Variants in ST6GALNAC3 observed in about 807,000 individuals in gnomAD.
ST6GALNAC3 encodes ST6 N-acetylgalactosaminide alpha-2,6-sialyltransferase 3, also known as alpha-N-acetylgalactosaminide alpha-2,6-sialyltransferase 3.
ST6GALNAC3 carries 25 observed loss-of-function variants against 32.7 expected under a neutral mutation model. The observed-to-expected ratio is 0.76, with a 90% CI of 0.56 to 1.07. The LOEUF is 1.07. Among genes scored for constraint, ST6GALNAC3 ranks in the 50% least tolerant of loss-of-function variants. ST6GALNAC3 has a pLI of 0.00. For synonymous variants in ST6GALNAC3, 129 were observed against 133.1 expected, an observed-to-expected ratio of 0.97 and a Z score of 0.21; for missense variants, 355 against 382.4, an observed-to-expected ratio of 0.93 and a Z score of 0.60.
chr1:76,377,812 G>C, intron 2 of ST6GALNAC3, among the ~76,000 whole-genome samples: 1 of 152,282 alleles, frequency 6.6e-6, no homozygotes, highest in African/African-American at 2.4e-5. Context: ...TGTATGTAAA[G>C]TTCTTAGTGT....
rs557184891 is a variant in ST6GALNAC3 at position 76,093,720 on chromosome 1, C to A, written c.18+18836C>A. ...TCTAGACTCATCAGCTGAGAGACAA[C>A]GCCAGAGGAATCTGCAAACTAACCT... On this transcript the variant is annotated intron_variant, in intron 1 of 4. Coordinates refer to ENST00000328299, the MANE Select transcript of ST6GALNAC3 (RefSeq NM_152996.4). Among the ~76,000 whole-genome samples the A allele has an allele frequency of 1.2e-4, 18 of 152,332 alleles. No homozygotes were observed. The South Asian group carries it at 3.7e-3, about 32-fold the overall frequency.
Position 76,408,865 on chromosome 1 carries a change from C to T in ST6GALNAC3, c.214-3143C>T, listed in dbSNP as rs761920142. Among the ~76,000 whole-genome samples the T allele has an allele frequency of 3.3e-5, 5 of 152,028 alleles. No homozygotes were observed. In the South Asian group the frequency reaches 1.0e-3, roughly 32 times the overall value. ...GAATAGCAAATGGAATGTAACCCCC[C>T]GCACCATATGCATCTTGGTGATAAG... On this transcript the variant is annotated intron_variant, in intron 2 of 4. Transcript: ENST00000328299.
At chr1:76,163,182 C>T (rs547612071) in intron 1 of ST6GALNAC3, among the ~76,000 whole-genome samples, 54 of 152,230 alleles carry the variant, frequency 3.5e-4, no homozygotes, top group Admixed American at 2.6e-3. Flanking sequence ...GTATTTTAGT[C>T]AGTGCTATAT....
At chr1:76,485,812 T>C (rs1474957539) in intron 3 of ST6GALNAC3, among the ~76,000 whole-genome samples, 1 of 152,228 alleles carries the variant, frequency 6.6e-6, no homozygotes, top group Non-Finnish European at 1.5e-5. Context: ...TTAATTGTGA[T>C]GTTAGGGTGT....
At chr1:76,248,082 C>T (rs1657409902) in intron 1 of ST6GALNAC3, among the ~76,000 whole-genome samples, 1 of 152,110 alleles carries the variant, frequency 6.6e-6, no homozygotes, top group African/African-American at 2.4e-5. Flanking sequence ...TGGCTCCTTG[C>T]ATTTCCTGGG....
At chr1:76,437,055 T>A (rs1315005396) in intron 3 of ST6GALNAC3, among the ~76,000 whole-genome samples, 6 of 151,978 alleles carry the variant, frequency 3.9e-5, no homozygotes, top group Admixed American at 3.3e-4. Flanking sequence ...TGTTTAAGGG[T>A]TTTTAAAACT....
At chr1:76,406,450 AAGG>A (rs1557860431) in intron 2 of ST6GALNAC3, among the ~76,000 whole-genome samples, 1 of 152,084 alleles carries the variant, frequency 6.6e-6, no homozygotes, top group Non-Finnish European at 1.5e-5. Context: ...AGCAGATGTG[AAGG>A]ACCATTTAAA....
intron 1 of ST6GALNAC3, among the ~76,000 whole-genome samples, chr1:76,096,900 G>A (rs1283167666): frequency 6.7e-6 from 1 of 148,540 alleles, no homozygotes; most frequent in Non-Finnish European, 1.5e-5. Flanking sequence ...TGAATTTCAT[G>A]TAGAGGAAGT....
At chr1:76,520,639 G>A (rs767487007) in intron 3 of ST6GALNAC3, among the ~76,000 whole-genome samples, 1 of 152,076 alleles carries the variant, frequency 6.6e-6, no homozygotes, top group Non-Finnish European at 1.5e-5. Flanking sequence ...ATGGCTTATA[G>A]ATTTCAGAGA....
intron 2 of ST6GALNAC3, among the ~76,000 whole-genome samples, chr1:76,396,549 C>G (rs944042950): frequency 6.6e-6 from 1 of 152,150 alleles, no homozygotes; most frequent in Non-Finnish European, 1.5e-5. Flanking sequence ...CTATAAAAGC[C>G]TACCTCTGTC....
chr1:76,431,202 G>C (rs966937205), intron 3 of ST6GALNAC3, among the ~76,000 whole-genome samples: 3 of 152,064 alleles, frequency 2.0e-5, no homozygotes, highest in Non-Finnish European at 2.9e-5. Flanking sequence ...CTGCTGCTTA[G>C]ATAACCCCAG....
intron 2 of ST6GALNAC3, among the ~76,000 whole-genome samples, chr1:76,378,878 G>A (rs989989467): frequency 4.4e-5 from 5 of 113,072 alleles, no homozygotes; most frequent in Admixed American, 8.6e-5. Flanking sequence ...TCAAATCAGC[G>A]GAAAAATTAT....
chr1:76,293,654 G>A (rs148296304), intron 1 of ST6GALNAC3, among the ~76,000 whole-genome samples: 107 of 152,198 alleles, frequency 7.0e-4, no homozygotes, highest in African/African-American at 2.4e-3. Flanking sequence ...TAAACATCTC[G>A]TTGGAATCCC....
chr1:76,350,570 A>T (rs531308412), intron 2 of ST6GALNAC3, among the ~76,000 whole-genome samples: 45 of 152,316 alleles, frequency 3.0e-4, no homozygotes, highest in African/African-American at 1.0e-3. Context: ...TAGTCTAATA[A>T]AAGAATCATC....
At chr1:76,201,359 T>G (rs1001349775) in intron 1 of ST6GALNAC3, among the ~76,000 whole-genome samples, 1 of 152,196 alleles carries the variant, frequency 6.6e-6, no homozygotes, top group African/African-American at 2.4e-5. Context: ...AATCACATTG[T>G]GTGAGACTTA....
intron 1 of ST6GALNAC3, among the ~76,000 whole-genome samples, chr1:76,238,706 A>G (rs1035860722): frequency 3.9e-5 from 6 of 152,122 alleles, no homozygotes; most frequent in Non-Finnish European, 7.4e-5. Context: ...AGGAAATTGG[A>G]CTTCAATTAT....
chr1:76,197,669 G>C (rs1654282304), intron 1 of ST6GALNAC3, among the ~76,000 whole-genome samples: 1 of 152,146 alleles, frequency 6.6e-6, no homozygotes, highest in African/African-American at 2.4e-5. Context: ...AGTTTAATTT[G>C]GCTGGTTCAC....
At chr1:76,564,417 A>G (rs1360191696) in intron 3 of ST6GALNAC3, among the ~76,000 whole-genome samples, 3 of 152,154 alleles carry the variant, frequency 2.0e-5, no homozygotes, top group African/African-American at 7.2e-5. Flanking sequence ...CTTGAAGAGA[A>G]CTTAATTCAA....
intron 3 of ST6GALNAC3, among the ~76,000 whole-genome samples, chr1:76,415,973 C>A (rs969997880): frequency 1.3e-5 from 2 of 150,954 alleles, no homozygotes; most frequent in Non-Finnish European, 2.9e-5. Context: ...CTTCTTTTTA[C>A]CATGCTGACA....
Sources: allele counts gnomAD v4.1 joint callset (sites outside exome capture counted in the v4.1 genomes callset), GRCh38; gene constraint gnomAD v4.1.1; transcripts MANE v1.5; gene names NCBI Gene and HGNC (gene_info 2026-07-23, HGNC 2026-07-21).